LGALS2: variants seen among roughly 807,000 people sequenced by gnomAD.
LGALS2 encodes the protein galectin-2.
LGALS2 carries 7 observed loss-of-function variants against 10.1 expected under a neutral mutation model. That is an observed-to-expected ratio of 0.70 (90% CI 0.40 to 1.31). LGALS2 has a LOEUF of 1.31. Ranked by LOEUF, LGALS2 falls within the 50% of genes most tolerant of loss-of-function variation. The probability of loss-of-function intolerance (pLI) is 0.01; values close to 1 mark genes in which losing one functional copy is unlikely to be tolerated. For missense variants in LGALS2, 167 were observed against 163.6 expected, an observed-to-expected ratio of 1.02 and a Z score of -0.11; for synonymous variants, 86 against 64.2, an observed-to-expected ratio of 1.34 and a Z score of -1.63.
chr22:37,573,194 C>A (rs1433480589), intron 1 of LGALS2, among the ~76,000 whole-genome samples: 2 of 152,012 alleles, frequency 1.3e-5, no homozygotes, highest in Non-Finnish European at 2.9e-5. Context: ...CGGCTTAAGC[C>A]TGGGAGGCAG....
chr22:37,578,131 C>G (rs1353716762), intron 1 of LGALS2, among the ~76,000 whole-genome samples: 1 of 152,248 alleles, frequency 6.6e-6, no homozygotes, highest in Non-Finnish European at 1.5e-5. Flanking sequence ...GACTGGGGCT[C>G]AGAGACGGTC....
intron 1 of LGALS2, among the ~76,000 whole-genome samples, chr22:37,572,796 T>TAATA (rs1555945291): frequency 2.9e-5 from 4 of 138,466 alleles, no homozygotes; most frequent in Non-Finnish European, 4.5e-5. Context: ...ATAATAATAA[T>TAATA]AATAAATAAA....
chr22:37,575,515 C>A (rs932367773), intron 1 of LGALS2, among the ~76,000 whole-genome samples: 3 of 152,042 alleles, frequency 2.0e-5, no homozygotes, highest in Non-Finnish European at 4.4e-5. Context: ...GGCTAGAGTG[C>A]AGTGATATGA....
chr22:37,573,603 C>A (rs557995154), intron 1 of LGALS2, among the ~76,000 whole-genome samples: 3 of 152,316 alleles, frequency 2.0e-5, no homozygotes, highest in East Asian at 1.9e-4. Flanking sequence ...ACACCACCAA[C>A]CTTCAAGCTG....
intron 1 of LGALS2, among the ~76,000 whole-genome samples, chr22:37,576,588 ACACT>A (rs1460094273): frequency 5.3e-5 from 8 of 152,122 alleles, no homozygotes; most frequent in Non-Finnish European, 1.2e-4. Context: ...CGCCACACAG[ACACT>A]CACAGACGTG....
chr22:37,570,869 G>T, intron 2 of LGALS2, 134 bp from the exon 3 acceptor site: 1 of 966,522 alleles, frequency 1.0e-6, no homozygotes, highest in Non-Finnish European at 1.6e-6. Flanking sequence ...CTTAAAACAA[G>T]GGAGGTAACA....
At chr22:37,573,536 TTTG>T (rs948316061) in intron 1 of LGALS2, among the ~76,000 whole-genome samples, 2 of 152,082 alleles carry the variant, frequency 1.3e-5, no homozygotes, top group Non-Finnish European at 2.9e-5. Flanking sequence ...CATTTCTATT[TTTG>T]TTGTTGTTGT....
Position 37,573,052 on chromosome 22 carries a change from T to A in LGALS2, c.7-1121A>T, listed in dbSNP as rs1411648199. Among the ~76,000 whole-genome samples the A allele has an allele frequency of 4.6e-5, 7 of 151,362 alleles. No homozygotes were observed. The East Asian group carries it at 1.2e-3, about 25-fold the overall frequency. On this transcript the variant is annotated intron_variant, in intron 1 of 3. Transcript: ENST00000215886. ...ACTTTGGAAGGCCGAGGCAGCCAGA[T>A]CACCTGAGGTCAGGAGTTTAAGACC...
intron 1 of LGALS2, 108 bp from the exon 2 acceptor site, chr22:37,572,039 C>A (rs1383105665): frequency 2.2e-6 from 2 of 892,862 alleles, no homozygotes; most frequent in South Asian, 1.4e-5. Context: ...GTCTCAATCC[C>A]CCTGCCCACG....
At chr22:37,572,496 G>A (rs1371121409) in intron 1 of LGALS2, among the ~76,000 whole-genome samples, 2 of 152,060 alleles carry the variant, frequency 1.3e-5, no homozygotes, top group Admixed American at 1.3e-4. Context: ...GCCGGACGCG[G>A]TGGCTCACAC....
chr22:37,577,431 C>T (rs1415690651), intron 1 of LGALS2, among the ~76,000 whole-genome samples: 1 of 150,962 alleles, frequency 6.6e-6, no homozygotes, highest in Non-Finnish European at 1.5e-5. Context: ...CTCACTGCAA[C>T]CTCTGCCTCC....
intron 1 of LGALS2, among the ~76,000 whole-genome samples, chr22:37,572,754 G>A (rs1433809485): frequency 3.7e-5 from 5 of 136,126 alleles, no homozygotes; most frequent in South Asian, 2.4e-4. Context: ...GCGACAGAGC[G>A]AAACTCCATC....
chr22:37,576,318 G>C (rs1449332638), intron 1 of LGALS2, among the ~76,000 whole-genome samples: 5 of 151,838 alleles, frequency 3.3e-5, no homozygotes, highest in South Asian at 2.1e-4. Context: ...CGGGCGTGGT[G>C]GCAGGCGCCT....
Position 37,570,742 on chromosome 22 carries a change from G to A in LGALS2, c.90-7C>T. On this transcript the variant is annotated splice_region_variant and splice_polypyrimidine_tract_variant and intron_variant, in intron 2 of 3. Coordinates refer to ENST00000215886, the MANE Select transcript of LGALS2 (RefSeq NM_006498.3). ...GCCCAGATTAATTACAAAGCTGCAG[G>A]AGAAGGGGTAGCAGGTGAGGTTCAG... The A allele has an allele frequency of 6.2e-7, 1 of 1,614,180 alleles. No individual in the cohort carries two copies. The highest frequency in any genetic ancestry group is 8.5e-7 in the Non-Finnish European group (1 of 1,180,034).
intron 3 of LGALS2, 28 bp from the exon 4 acceptor site, chr22:37,570,440 C>G: frequency 6.2e-7 from 1 of 1,608,886 alleles, no homozygotes; most frequent in Non-Finnish European, 8.5e-7. Context: ...GTCAAGGAGG[C>G]AGGAGGCCCT....
In LGALS2 at chr22:37,573,157, G is replaced by A. The variant is rs148696532; in HGVS notation, c.7-1226C>T. On this transcript the variant is annotated intron_variant, in intron 1 of 3. Coordinates refer to ENST00000215886, the MANE Select transcript of LGALS2 (RefSeq NM_006498.3). ...GTGGTGGCACGCATCTATAGTCCCA[G>A]CTACTTGGGAGGCTGAGGCAGGAGA... 4.5e-4 allele frequency among the ~76,000 whole-genome samples: 68 copies of A among 152,160 alleles called. 1 individual carries two copies. In the East Asian group the frequency reaches 0.013, roughly 29 times the overall value.
chr22:37,579,240 TCC>T (rs1925776363), intron 1 of LGALS2, among the ~76,000 whole-genome samples: 1 of 53,020 alleles, frequency 1.9e-5, no homozygotes. Context: ...AGAGCGAGAC[TCC>T]ATCTCAAAAA....
intron 1 of LGALS2, among the ~76,000 whole-genome samples, chr22:37,579,501 C>T (rs1253068034): frequency 2.6e-5 from 4 of 152,010 alleles, no homozygotes; most frequent in African/African-American, 7.2e-5. Flanking sequence ...GGCACAATCT[C>T]GGCTCACCAT....
intron 1 of LGALS2, among the ~76,000 whole-genome samples, chr22:37,578,397 C>T (rs895227157): frequency 6.6e-6 from 1 of 152,194 alleles, no homozygotes; most frequent in African/African-American, 2.4e-5. Context: ...GATCCTCAGC[C>T]TCCCAAGGCT....
Sources: allele counts gnomAD v4.1 joint callset (sites outside exome capture counted in the v4.1 genomes callset), GRCh38; gene constraint gnomAD v4.1.1; transcripts MANE v1.5; gene names NCBI Gene and HGNC (gene_info 2026-07-23, HGNC 2026-07-21).